MTCL3: variants seen among roughly 807,000 people sequenced by gnomAD.
MTCL3 encodes the protein MTCL family member 3.
chr6:127,515,891 C>T, the MTCL3 span: 1 of 1,611,914 alleles, frequency 6.2e-7, no homozygotes, highest in Non-Finnish European at 8.5e-7. The surrounding 1 kb of genome is among the most constrained non-coding windows in gnomAD (Gnocchi z 4.3). Context: ...CCACCGCTGC[C>T]GCCCCCCGCA....
chr6:127,508,938 C>T, the MTCL3 span, among the ~76,000 whole-genome samples: 1 of 152,194 alleles, frequency 6.6e-6, no homozygotes, highest in African/African-American at 2.4e-5. Flanking sequence ...CCAAAGCCTC[C>T]TCCACAACCT....
At chr6:127,486,718 T>C in the MTCL3 span, among the ~76,000 whole-genome samples, 3 of 152,224 alleles carry the variant, frequency 2.0e-5, no homozygotes, top group African/African-American at 2.4e-5. Context: ...TTTTTGATCA[T>C]GAGAAGGCCA....
the MTCL3 span, among the ~76,000 whole-genome samples, chr6:127,492,544 G>A: frequency 5.1e-4 from 78 of 152,052 alleles, no homozygotes; most frequent in Non-Finnish European, 9.1e-4. Flanking sequence ...TTTTTAAGAC[G>A]GAGTCTCACC....
chr6:127,476,008 A>T, the MTCL3 span: 1 of 1,610,870 alleles, frequency 6.2e-7, no homozygotes, highest in African/African-American at 1.3e-5. The surrounding 1 kb of genome is among the most constrained non-coding windows in gnomAD (Gnocchi z 4.4). Flanking sequence ...CTCCGCCGTG[A>T]TGCGCTTGTT....
At chr6:127,486,368 T>C in the MTCL3 span, among the ~76,000 whole-genome samples, 1 of 152,296 alleles carries the variant, frequency 6.6e-6, no homozygotes, top group Admixed American at 6.5e-5. Flanking sequence ...CCAGTAAGTT[T>C]ATGTTAACTT....
the MTCL3 span, chr6:127,481,274 G>A: frequency 9.9e-5 from 97 of 982,276 alleles, no homozygotes; most frequent in Non-Finnish European, 1.1e-4. Flanking sequence ...ATGGCAACAC[G>A]TGAAATGATT....
the MTCL3 span, chr6:127,513,150 G>A: frequency 9.2e-7 from 1 of 1,084,978 alleles, no homozygotes. Flanking sequence ...ATATTTATAT[G>A]GTGTTTACCA....
the MTCL3 span, among the ~76,000 whole-genome samples, chr6:127,487,554 C>A: frequency 6.6e-6 from 1 of 152,154 alleles, no homozygotes; most frequent in African/African-American, 2.4e-5. Context: ...TCCTAGAAGT[C>A]TTCCTCTTTT....
At chr6:127,513,514 GT>G in the MTCL3 span, among the ~76,000 whole-genome samples, 1 of 152,220 alleles carries the variant, frequency 6.6e-6, no homozygotes, top group South Asian at 2.1e-4. Context: ...AAAAATTGAA[GT>G]TTTTACAAGT....
chr6:127,513,910 C>G, the MTCL3 span, among the ~76,000 whole-genome samples: 1 of 152,094 alleles, frequency 6.6e-6, no homozygotes, highest in Non-Finnish European at 1.5e-5. Flanking sequence ...TGCCACAGTG[C>G]TTAGTACATA....
the MTCL3 span, chr6:127,475,456 T>C: frequency 6.2e-7 from 1 of 1,613,374 alleles, no homozygotes; most frequent in African/African-American, 1.3e-5. This position sits in a 1 kb window ranked among gnomAD's most constrained non-coding sequence, Gnocchi z 7.3. Flanking sequence ...GTCCTCCTCG[T>C]CCATGAGTCC....
chr6:127,515,508 C>T, the MTCL3 span: 59 of 1,441,994 alleles, frequency 4.1e-5, no homozygotes, highest in Admixed American at 5.6e-4. The surrounding 1 kb of genome is among the most constrained non-coding windows in gnomAD (Gnocchi z 4.3). Flanking sequence ...CCCCCACCCT[C>T]CTCACCTTGA....
the MTCL3 span, among the ~76,000 whole-genome samples, chr6:127,501,466 T>C: frequency 2.0e-5 from 3 of 152,330 alleles, no homozygotes; most frequent in African/African-American, 7.2e-5. Context: ...TCAGAATAAA[T>C]AAGCAATTGG....
chr6:127,498,419 A>G, the MTCL3 span, among the ~76,000 whole-genome samples: 1 of 152,218 alleles, frequency 6.6e-6, no homozygotes, highest in Non-Finnish European at 1.5e-5. Context: ...ATAATAAAAA[A>G]GATATACAAT....
At chr6:127,476,482 A>G in the MTCL3 span, 2 of 1,543,686 alleles carry the variant, frequency 1.3e-6, no homozygotes, top group Non-Finnish European at 1.7e-6. The surrounding 1 kb of genome is among the most constrained non-coding windows in gnomAD (Gnocchi z 4.4). Flanking sequence ...ATTTGGGGGA[A>G]AAGAGGGAAA....
the MTCL3 span, among the ~76,000 whole-genome samples, chr6:127,504,997 T>C: frequency 1.3e-4 from 20 of 152,146 alleles, no homozygotes; most frequent in African/African-American, 4.6e-4. Flanking sequence ...TTAGAATGTT[T>C]AGGGGCCATC....
At chr6:127,516,690 C>A in the MTCL3 span, 72 of 1,515,888 alleles carry the variant, frequency 4.7e-5, no homozygotes, top group Non-Finnish European at 6.3e-5. Context: ...CGCCGCCAAC[C>A]TTCCTTCCTA....
the MTCL3 span, among the ~76,000 whole-genome samples, chr6:127,502,363 G>T: frequency 6.6e-6 from 1 of 152,168 alleles, no homozygotes; most frequent in East Asian, 1.9e-4. Context: ...CAGCCCTGTT[G>T]CCCTGTTGAT....
chr6:127,487,010 G>C, the MTCL3 span, among the ~76,000 whole-genome samples: 20,984 of 152,148 alleles, frequency 0.14, 2,269 homozygotes, highest in East Asian at 0.64. Flanking sequence ...AAACTATAGA[G>C]ACATTAATAT....
Sources: gnomAD v4.1 joint callset for allele counts (sites outside exome capture counted in the v4.1 genomes callset) on GRCh38, gnomAD v4.1.1 for gene constraint, Gnocchi (gnomAD v3.1) non-coding constraint, MANE v1.5 for transcripts, NCBI Gene and HGNC (gene_info 2026-07-23, HGNC 2026-07-21) for gene names.